MOV10L1: variants seen among roughly 807,000 people sequenced by gnomAD.
MOV10L1 encodes the protein RNA helicase Mov10l1.
Under a neutral mutation model 143.8 loss-of-function variants are expected in MOV10L1, and 110 were observed. That is an observed-to-expected ratio of 0.76 (90% CI 0.66 to 0.90). The LOEUF (loss-of-function observed/expected upper bound fraction) is 0.90. Among genes scored for constraint, MOV10L1 ranks in the 40% least tolerant of loss-of-function variants. The pLI is 0.00. For missense variants in MOV10L1, 1,406 were observed against 1,526.8 expected (o/e 0.92, Z 1.32); for synonymous variants, 593 against 581.1 (o/e 1.02, Z -0.29).
rs2146986383 is a variant in MOV10L1, at chr22:50,091,889, C to T, written c.98-112C>T. ...AAGTCAGCCCGTTCGGAGTCAGTGC[C>T]TCCGAACTGCAAAAAAAGGAGGCTT... On this transcript the variant is annotated intron_variant, in intron 1 of 26. Coordinates refer to ENST00000262794, the MANE Select transcript of MOV10L1 (RefSeq NM_018995.3). 4.9e-6 allele frequency: 5 copies of T among 1,026,644 alleles called. No homozygotes were observed. The South Asian group carries it at 8.0e-5, about 16-fold the overall frequency. 63.6% of individuals were successfully genotyped at this position (1,026,644 alleles called of 1,614,324 possible).
chr22:50,130,359 AT>A (rs1356765742), intron 13 of MOV10L1, among the ~76,000 whole-genome samples: 2 of 152,010 alleles, frequency 1.3e-5, no homozygotes, highest in South Asian at 2.1e-4. Flanking sequence ...AATTTATCAA[AT>A]TTTTTTTAAT....
chr22:50,142,286 C>G, intron 16 of MOV10L1, 97 bp downstream of exon 16: 1 of 903,480 alleles, frequency 1.1e-6, no homozygotes. Flanking sequence ...GAAGGAAGAA[C>G]AGTAGGGGGC....
intron 8 of MOV10L1, 149 bp downstream of exon 8, chr22:50,115,395 C>A: frequency 2.2e-6 from 2 of 900,018 alleles, no homozygotes; most frequent in Non-Finnish European, 3.1e-6. Context: ...CGAAACCCCG[C>A]CTCTACTAAA....
At position 50,158,578 on chromosome 22, in the gene MOV10L1, A is replaced by C; in HGVS notation, c.3216+372A>C. 1 of 208,926 alleles carries C rather than the reference A, an allele frequency of 4.8e-6. No homozygotes were observed. Among genetic ancestry groups the C allele is most frequent in the Non-Finnish European group, 9.7e-6 (1 of 103,554 alleles). The allele number at this position is 208,926 out of a possible 1,614,324, so 12.9% of individuals were successfully genotyped here. The stretch of plus-strand genomic sequence containing the variant: ...AATGGGACGCTTCTCATTTCGTATG[A>C]CTCTGTGATGTGATTATAGGAGAGT... On this transcript the variant is annotated intron_variant, in intron 23 of 26. Transcript: ENST00000262794. This position sits in a 1 kb window ranked among gnomAD's most constrained non-coding sequence, Gnocchi z 5.0.
At position 50,090,582 on chromosome 22, in the gene MOV10L1, A is replaced by G. The variant is rs781649847; in HGVS notation, c.97+397A>G. The G allele has an allele frequency of 5.0e-5, 77 of 1,540,084 alleles. 1 individual carries two copies. The highest frequency in any genetic ancestry group is 2.7e-4 in the Admixed American group (14 of 52,538). ...CTGTCCTTTCAGAACGCGCTGCGCC[A>G]AGGCGTGCCATTTCCTTGTCTGGTT... is the stretch of plus-strand genomic sequence containing the variant. On this transcript the variant is annotated intron_variant, in intron 1 of 26. Coordinates refer to ENST00000262794, the MANE Select transcript of MOV10L1 (RefSeq NM_018995.3).
intron 1 of MOV10L1, chr22:50,090,503 A>G (rs1272134524): frequency 1.9e-6 from 3 of 1,609,384 alleles, no homozygotes; most frequent in Middle Eastern, 1.7e-4. Flanking sequence ...CCGCAGCGTC[A>G]TTGGCGGTGG....
At chr22:50,106,329 T>TC (rs1204871862) in intron 3 of MOV10L1, among the ~76,000 whole-genome samples, 2 of 143,964 alleles carry the variant, frequency 1.4e-5, no homozygotes, top group Admixed American at 6.9e-5. Context: ...CTAATTCTTT[T>TC]TTTTTTTTTT....
chr22:50,112,931 C>T (rs1207692974), intron 5 of MOV10L1, among the ~76,000 whole-genome samples: 1 of 152,226 alleles, frequency 6.6e-6, no homozygotes, highest in Non-Finnish European at 1.5e-5. Context: ...GCCAAACAGG[C>T]ACCCGCCAGG....
Position 50,108,210 on chromosome 22 carries a change from A to G in MOV10L1, c.517A>G (p.Thr173Ala). The change falls in exon 4 of 27, where the codon ACC (threonine) becomes GCC (alanine). Residue 173 changes from threonine (T) to alanine (A), a missense_variant. This residue lies in a region of MOV10L1 where 1,233 missense variants were observed against 1,351.4 expected (regional missense o/e 0.91). Coordinates refer to ENST00000262794, the MANE Select transcript of MOV10L1 (RefSeq NM_018995.3). The part of the protein sequence containing the change: ...IRPGTWSSEA[T>A]SVKPLRYKRV... ...GCCTGGCACGTGGAGCAGCGAAGCCACCTCAGTGAAGCCACTGAGATACAA... is the reference window on the plus strand; with the variant it reads ...GCCTGGCACGTGGAGCAGCGAAGCCGCCTCAGTGAAGCCACTGAGATACAA... 1 of 1,614,034 alleles carries G rather than the reference A, an allele frequency of 6.2e-7. No homozygotes were observed. Among genetic ancestry groups the G allele is most frequent in the South Asian group, 1.1e-5 (1 of 91,054 alleles).
At chr22:50,108,442 T>C in intron 4 of MOV10L1, 194 bp downstream of exon 4, 1 of 749,660 alleles carries the variant, frequency 1.3e-6, no homozygotes, top group Non-Finnish European at 2.3e-6. Flanking sequence ...AGTGCTTGCA[T>C]ACCTGAATTC....
intron 14 of MOV10L1, among the ~76,000 whole-genome samples, 194 bp downstream of exon 14, chr22:50,134,259 A>T (rs2062758670): frequency 6.6e-6 from 1 of 152,208 alleles, no homozygotes; most frequent in African/African-American, 2.4e-5. Flanking sequence ...TAATAATAGC[A>T]TGCTTAAATA....
rs150304888 is a variant in MOV10L1, at chr22:50,130,728, A to C, written c.1910+2221A>C. On this transcript the variant is annotated intron_variant, in intron 13 of 26. Coordinates refer to ENST00000262794, the MANE Select transcript of MOV10L1 (RefSeq NM_018995.3). ...CACAGGGAGCAGCAGCGCTGGTAGA[A>C]GGCACACAGCCTCCATCATGGCAGC... Among the ~76,000 whole-genome samples the C allele has an allele frequency of 1.9e-3, 296 of 152,284 alleles. 2 individuals carry two copies. The highest frequency in any genetic ancestry group is 3.1e-3 in the Non-Finnish European group (209 of 68,022).
Position 50,114,421 on chromosome 22 carries a change from C to T in MOV10L1, c.925C>T (p.Leu309=). 3 of 1,614,150 alleles carry T rather than the reference C, an allele frequency of 1.9e-6. No individual in the cohort carries two copies. The highest frequency in any genetic ancestry group is 2.5e-6 in the Non-Finnish European group (3 of 1,179,990). Residue 309 remains leucine (L), a synonymous_variant, in exon 7 of 27, where the codon CTG becomes TTG. Coordinates refer to ENST00000262794, the MANE Select transcript of MOV10L1 (RefSeq NM_018995.3). ...TCCTCAAAACTTAGTCAGCTGTAAACTGGCTGGCTGGGATAAATCTAAACA... is the reference window on the plus strand; with the variant it reads ...TCCTCAAAACTTAGTCAGCTGTAAATTGGCTGGCTGGGATAAATCTAAACA... ...DIPQNLVSCK[L]AGWDKSKQFR... is the part of the protein sequence containing the mutation.
chr22:50,092,209 A>G, intron 2 of MOV10L1, 24 bp downstream of exon 2: 1 of 1,601,820 alleles, frequency 6.2e-7, no homozygotes, highest in Non-Finnish European at 8.5e-7. Context: ...TCATTTGGGA[A>G]CAGTTTTTCT....
intron 3 of MOV10L1, among the ~76,000 whole-genome samples, chr22:50,104,771 A>G (rs1487561255): frequency 6.6e-6 from 1 of 152,108 alleles, no homozygotes; most frequent in Non-Finnish European, 1.5e-5. Context: ...CGAAAAATGT[A>G]TATTTTGCAA....
Position 50,108,770 on chromosome 22 carries a change from C to T in MOV10L1, c.669C>T (p.Val223=). 1 of 1,614,142 alleles carries T rather than the reference C, an allele frequency of 6.2e-7. No homozygotes were observed. Residue 223 remains valine (V), a synonymous_variant, in exon 5 of 27, where the codon GTC becomes GTT. Coordinates refer to ENST00000262794, the MANE Select transcript of MOV10L1 (RefSeq NM_018995.3). The part of the protein sequence containing the change: ...DGYTPRRGDV[V]NAVVVESSQS... ...ACACACCCCGGAGAGGTGACGTGGT[C>T]AATGCAGTGGTGGTGGAGAGCAGCC...
In MOV10L1 at chr22:50,149,657, G is replaced by C; in HGVS notation, c.2670G>C (p.Gln890His). Reference sequence around the variant, plus strand: ...ACGTGTTTGTGGACGAGGCTGGGCAGGCAAGTGAGCCGGAATGCCTCATTC... The same window carrying C: ...ACGTGTTTGTGGACGAGGCTGGGCACGCAAGTGAGCCGGAATGCCTCATTC... The part of the protein sequence containing the change: ...FTHVFVDEAG[Q>H]ASEPECLIPL... The change falls in exon 20 of 27, where the codon CAG becomes CAC. Residue 890 changes from glutamine (Q) to histidine (H), a missense_variant. Transcript: ENST00000262794. The C allele has an allele frequency of 6.2e-7, 1 of 1,614,176 alleles. No individual in the cohort carries two copies. The highest frequency in any genetic ancestry group is 8.5e-7 in the Non-Finnish European group (1 of 1,179,992).
At position 50,142,196 on chromosome 22, in the gene MOV10L1, G is replaced by A; in HGVS notation, c.2179+7G>A. ...GCAGAGATGAGCGATTGGGGTATGTGCTCATGAGGGGCAAGGAGAAGAGCA... is the reference window on the plus strand; with the variant it reads ...GCAGAGATGAGCGATTGGGGTATGTACTCATGAGGGGCAAGGAGAAGAGCA... On this transcript the variant is annotated splice_region_variant and intron_variant, in intron 16 of 26. Transcript: ENST00000262794. 6.2e-7 allele frequency: 1 copy of A among 1,603,396 alleles called. No homozygotes were observed. The highest frequency in any genetic ancestry group is 8.5e-7 in the Non-Finnish European group (1 of 1,175,562).
chr22:50,145,892 G>A, intron 19 of MOV10L1, 82 bp downstream of exon 19: 5 of 1,578,256 alleles, frequency 3.2e-6, no homozygotes, highest in Non-Finnish European at 4.3e-6. Flanking sequence ...CTGAGGGGCG[G>A]ATGACCCAGA....
Sources: gnomAD v4.1 joint callset for allele counts (sites outside exome capture counted in the v4.1 genomes callset) on GRCh38, gnomAD v4.1.1 for gene constraint, gnomAD v4.1.1 regional missense constraint, Gnocchi (gnomAD v3.1) non-coding constraint, MANE v1.5 for transcripts, NCBI Gene and HGNC (gene_info 2026-07-23, HGNC 2026-07-21) for gene names.